Variants in USP12 observed in about 807,000 individuals in gnomAD.
USP12 encodes the protein ubiquitin specific peptidase 12.
In USP12, 19 loss-of-function variants were observed where a neutral mutation model predicts 45.5. That is an observed-to-expected ratio of 0.42 (90% CI 0.29 to 0.61). The LOEUF is 0.61. USP12 is among the 20% of genes least tolerant of loss of function. The pLI, the probability that USP12 is intolerant of heterozygous loss-of-function variation, is 0.22. For missense variants in USP12, 242 were observed against 447.7 expected, an observed-to-expected ratio of 0.54 and a Z score of 4.15; for synonymous variants, 149 against 148.8, an observed-to-expected ratio of 1.00 and a Z score of -0.01.
chr13:27,115,151 C>G (rs754773379), intron 2 of USP12, among the ~76,000 whole-genome samples: 1 of 152,180 alleles, frequency 6.6e-6, no homozygotes, highest in African/African-American at 2.4e-5. Context: ...AAATGAATCT[C>G]TCCAGGGGAT....
chr13:27,116,311 C>CAAAA (rs10549775), intron 2 of USP12, among the ~76,000 whole-genome samples: 1 of 90,920 alleles, frequency 1.1e-5, no homozygotes, highest in Admixed American at 1.3e-4. Context: ...GACGCTGTCT[C>CAAAA]AAAAAAAAAA....
chr13:27,142,165 A>T (rs1221648113), intron 1 of USP12, among the ~76,000 whole-genome samples: 1 of 152,202 alleles, frequency 6.6e-6, no homozygotes, highest in Non-Finnish European at 1.5e-5. Flanking sequence ...GACAGTGAAG[A>T]CAGTGAAAAG....
intron 2 of USP12, among the ~76,000 whole-genome samples, chr13:27,107,024 C>T (rs1426504129): frequency 6.6e-6 from 1 of 151,972 alleles, no homozygotes; most frequent in African/African-American, 2.4e-5. Context: ...ACAAAAACAG[C>T]AACAACAAAA....
intron 6 of USP12, among the ~76,000 whole-genome samples, chr13:27,082,599 C>A (rs907329580): frequency 6.6e-6 from 1 of 152,216 alleles, no homozygotes; most frequent in South Asian, 2.1e-4. Flanking sequence ...AGCTTTCAGC[C>A]TATCTTGGCT....
intron 6 of USP12, among the ~76,000 whole-genome samples, chr13:27,080,039 T>C (rs115897827): frequency 6.6e-6 from 1 of 152,280 alleles, no homozygotes; most frequent in African/African-American, 2.4e-5. Context: ...AACTCCAGCA[T>C]GTGTTAAAAT....
intron 1 of USP12, among the ~76,000 whole-genome samples, chr13:27,161,807 G>A (rs764670049): frequency 1.1e-4 from 17 of 151,850 alleles, no homozygotes; most frequent in Non-Finnish European, 2.4e-4. Flanking sequence ...GCTTGAGCCC[G>A]GGGGGCAGAG....
At chr13:27,169,709 C>G (rs1878498031) in intron 1 of USP12, among the ~76,000 whole-genome samples, 1 of 152,144 alleles carries the variant, frequency 6.6e-6, no homozygotes. Flanking sequence ...TGGCAAATCC[C>G]TGTGTCTCAC....
intron 1 of USP12, chr13:27,170,190 C>T (rs1366606681): frequency 2.5e-6 from 1 of 397,392 alleles, no homozygotes; most frequent in Non-Finnish European, 4.4e-6. Context: ...ATGGAGTCTT[C>T]AATGATTCAT....
At chr13:27,087,998 AAAAAT>A (rs1388197350) in intron 6 of USP12, among the ~76,000 whole-genome samples, 1 of 152,248 alleles carries the variant, frequency 6.6e-6, no homozygotes, top group African/African-American at 2.4e-5. Context: ...TACAATGAGA[AAAAAT>A]AAAGATTAAG....
chr13:27,151,703 G>T (rs79041388), intron 1 of USP12, among the ~76,000 whole-genome samples: 3,200 of 152,164 alleles, frequency 0.021, 115 homozygotes, highest in African/African-American at 0.074. Context: ...GATGACTTGA[G>T]ACCAGGAGTT....
intron 1 of USP12, among the ~76,000 whole-genome samples, chr13:27,138,582 A>G (rs1319221452): frequency 6.6e-6 from 1 of 152,210 alleles, no homozygotes; most frequent in East Asian, 1.9e-4. Context: ...GGCATTATCA[A>G]TGCTACAGGC....
intron 7 of USP12, among the ~76,000 whole-genome samples, chr13:27,072,045 A>T (rs959699714): frequency 1.3e-5 from 2 of 152,150 alleles, no homozygotes; most frequent in Non-Finnish European, 2.9e-5. Flanking sequence ...TGTTTCTCAG[A>T]TCATTTGATC....
At chr13:27,123,164 G>A (rs1876078267) in intron 1 of USP12, among the ~76,000 whole-genome samples, 1 of 152,074 alleles carries the variant, frequency 6.6e-6, no homozygotes, top group African/African-American at 2.4e-5. Flanking sequence ...GCTGTAGAGA[G>A]ACCATGGTAT....
At chr13:27,159,632 T>C (rs1339828315) in intron 1 of USP12, among the ~76,000 whole-genome samples, 1 of 152,242 alleles carries the variant, frequency 6.6e-6, no homozygotes, top group East Asian at 1.9e-4. Flanking sequence ...TATACATTTA[T>C]CTAAACTCAA....
At chr13:27,169,196 G>A (rs1878476348) in intron 1 of USP12, 1 of 152,190 alleles carries the variant, frequency 6.6e-6, no homozygotes, top group Admixed American at 6.5e-5. Flanking sequence ...TATGATAAGT[G>A]CTACTGAGAT....
chr13:27,117,464 C>T (rs932437041), intron 1 of USP12, among the ~76,000 whole-genome samples: 5 of 137,336 alleles, frequency 3.6e-5, no homozygotes, highest in Non-Finnish European at 8.0e-5. Flanking sequence ...TCTAGATGGG[C>T]CATTGTTAGG....
At chr13:27,166,964 A>G (rs536899904) in intron 1 of USP12, among the ~76,000 whole-genome samples, 23 of 152,356 alleles carry the variant, frequency 1.5e-4, no homozygotes, top group African/African-American at 4.6e-4. Flanking sequence ...ATGAATGATG[A>G]TAATGATAAC....
intron 2 of USP12, among the ~76,000 whole-genome samples, chr13:27,112,759 CAGAT>C (rs1161510250): frequency 6.6e-6 from 1 of 152,126 alleles, no homozygotes; most frequent in East Asian, 1.9e-4. Flanking sequence ...ATATCATATA[CAGAT>C]AGAGTATAGG....
chr13:27,084,183 C>T (rs1038692874), intron 6 of USP12, among the ~76,000 whole-genome samples: 6 of 128,050 alleles, frequency 4.7e-5, no homozygotes, highest in African/African-American at 1.7e-4. Context: ...CACACACACA[C>T]ACACACACAC....
Sources: allele counts gnomAD v4.1 joint callset (sites outside exome capture counted in the v4.1 genomes callset), GRCh38; gene constraint gnomAD v4.1.1; transcripts MANE v1.5; gene names NCBI Gene and HGNC (gene_info 2026-07-23, HGNC 2026-07-21).